The following UBL3 variants were observed in gnomAD, a reference collection of about 807,000 sequenced individuals.
UBL3 encodes ubiquitin like 3, also known as ubiquitin-like protein 3.
UBL3 carries 6 observed loss-of-function variants against 18.4 expected under a neutral mutation model. The observed-to-expected ratio is 0.33, with a 90% CI of 0.18 to 0.64. The LOEUF is 0.64. Among genes scored for constraint, UBL3 ranks in the 30% least tolerant of loss-of-function variants. The probability of loss-of-function intolerance (pLI) is 0.76; values close to 1 mark genes in which losing one functional copy is unlikely to be tolerated. For synonymous variants in UBL3, 49 were observed against 46.6 expected (o/e 1.05, Z -0.21); for missense variants, 109 against 142.9 (o/e 0.76, Z 1.21).
At position 29,831,529 on chromosome 13, in the gene UBL3, G is replaced by A. The variant is rs574687969; in HGVS notation, c.27+17983C>T. The stretch of plus-strand genomic sequence containing the variant: ...CTTGAACCAGGGAGACGGAGGTTGC[G>A]GTGAGCCAAGATCGCGTCATTGTAC... On this transcript the variant is annotated intron_variant, in intron 1 of 4. Transcript: ENST00000380680. 1.9e-4 allele frequency among the ~76,000 whole-genome samples: 28 copies of A among 151,312 alleles called. 1 individual carries two copies. The highest frequency in any genetic ancestry group is 3.8e-4 in the Non-Finnish European group (26 of 67,836).
intron 1 of UBL3, among the ~76,000 whole-genome samples, chr13:29,828,749 C>T (rs1458825103): frequency 1.3e-5 from 2 of 152,206 alleles, no homozygotes; most frequent in Non-Finnish European, 2.9e-5. Flanking sequence ...GAAACAGGCG[C>T]TCTGATTTTT....
chr13:29,838,770 C>T (rs541881), intron 1 of UBL3, among the ~76,000 whole-genome samples: 151,517 of 152,304 alleles, frequency 0.99, 75,371 homozygotes, highest in Middle Eastern at 1. Flanking sequence ...AATTGCAAAA[C>T]TGTAAATTCA....
intron 1 of UBL3, among the ~76,000 whole-genome samples, chr13:29,841,008 C>T (rs1221795154): frequency 2.6e-5 from 4 of 151,932 alleles, no homozygotes; most frequent in African/African-American, 9.7e-5. Context: ...GATACAAAAG[C>T]AAGACTATTT....
rs1339734126 is a variant in UBL3, at chr13:29,767,005, G to T, written c.*250C>A. 10 of 329,826 alleles carry T rather than the reference G, an allele frequency of 3.0e-5. No individual in the cohort carries two copies. In the South Asian group the frequency reaches 3.9e-4, roughly 13 times the overall value. 20.4% of individuals were successfully genotyped at this position (329,826 alleles called of 1,614,324 possible). On this transcript the variant is annotated 3_prime_UTR_variant, in exon 5 of 5. Coordinates refer to ENST00000380680, the MANE Select transcript of UBL3 (RefSeq NM_007106.4). The stretch of plus-strand genomic sequence containing the variant: ...CTTGTTAACTTTTCCCCTGGAGATT[G>T]ACTGCATTCAAAAACCAATATGTGT...
At chr13:29,837,832 A>C (rs1257307707) in intron 1 of UBL3, among the ~76,000 whole-genome samples, 4 of 151,830 alleles carry the variant, frequency 2.6e-5, no homozygotes, top group African/African-American at 9.7e-5. Flanking sequence ...AGGGAGGCTG[A>C]GGCACTAGAA....
At chr13:29,822,565 C>G (rs1160141341) in intron 1 of UBL3, among the ~76,000 whole-genome samples, 2 of 152,158 alleles carry the variant, frequency 1.3e-5, no homozygotes, top group Non-Finnish European at 2.9e-5. Flanking sequence ...AACCATATTA[C>G]TCCATAGAAT....
intron 4 of UBL3, 25 bp from the exon 5 acceptor site, chr13:29,767,332 GT>G: frequency 6.2e-7 from 1 of 1,612,576 alleles, no homozygotes; most frequent in East Asian, 2.2e-5. Context: ...GAAGAGCCTC[GT>G]TTATAAAAAT....
intron 2 of UBL3, among the ~76,000 whole-genome samples, chr13:29,773,607 T>C (rs1442177568): frequency 6.6e-6 from 1 of 152,118 alleles, no homozygotes; most frequent in Admixed American, 6.6e-5. Context: ...TGCAGAAACC[T>C]GAAGCCCCAT....
At chr13:29,808,495 G>C (rs527296095) in intron 1 of UBL3, among the ~76,000 whole-genome samples, 1 of 152,138 alleles carries the variant, frequency 6.6e-6, no homozygotes, top group East Asian at 1.9e-4. Flanking sequence ...TAATAGCTGT[G>C]ACATCCTAGA....
intron 1 of UBL3, among the ~76,000 whole-genome samples, chr13:29,827,806 A>G (rs1878663295): frequency 6.6e-6 from 1 of 152,180 alleles, no homozygotes; most frequent in Non-Finnish European, 1.5e-5. Context: ...ATGTTTTTGC[A>G]GTGGCTGGTA....
At chr13:29,788,613 T>G (rs1439213215) in intron 1 of UBL3, among the ~76,000 whole-genome samples, 2 of 152,192 alleles carry the variant, frequency 1.3e-5, no homozygotes, top group Non-Finnish European at 2.9e-5. Context: ...AAGCTTGTTT[T>G]CTCTTAGGAT....
At chr13:29,844,611 T>C (rs997576196) in intron 1 of UBL3, among the ~76,000 whole-genome samples, 12 of 152,184 alleles carry the variant, frequency 7.9e-5, no homozygotes, top group African/African-American at 2.9e-4. Flanking sequence ...AACCTCCAAG[T>C]ATTCAGAAAA....
At chr13:29,791,675 T>A (rs932554167) in intron 1 of UBL3, among the ~76,000 whole-genome samples, 10 of 152,212 alleles carry the variant, frequency 6.6e-5, no homozygotes, top group African/African-American at 2.4e-4. Context: ...AGAGTTTCCA[T>A]CCAATCACTG....
chr13:29,764,628 G>C lies in UBL3; in HGVS notation c.*2627C>G, dbSNP rs984289931. ...AGAGAAAGCAAATAGTTCAGATCAG[G>C]GAGACATGCTGAGGTTTTAATAAAG... On this transcript the variant is annotated 3_prime_UTR_variant, in exon 5 of 5. Coordinates refer to ENST00000380680, the MANE Select transcript of UBL3 (RefSeq NM_007106.4). 6.6e-6 allele frequency: 1 copy of C among 152,150 alleles called. No homozygotes were observed. The highest frequency in any genetic ancestry group is 1.5e-5 in the Non-Finnish European group (1 of 68,038). The allele number at this position is 152,150 out of a possible 1,614,324, so 9.4% of individuals were successfully genotyped here.
At chr13:29,792,517 T>C (rs966366191) in intron 1 of UBL3, among the ~76,000 whole-genome samples, 2 of 152,254 alleles carry the variant, frequency 1.3e-5, no homozygotes, top group Non-Finnish European at 2.9e-5. Flanking sequence ...ACAGTCTGTC[T>C]GTCTATGAAG....
chr13:29,825,384 G>C (rs1878589225), intron 1 of UBL3, among the ~76,000 whole-genome samples: 1 of 152,128 alleles, frequency 6.6e-6, no homozygotes, highest in Non-Finnish European at 1.5e-5. Context: ...TCGTTGAGCA[G>C]TGGTTTGTAG....
At chr13:29,823,753 G>T (rs928649493) in intron 1 of UBL3, among the ~76,000 whole-genome samples, 3 of 151,940 alleles carry the variant, frequency 2.0e-5, no homozygotes, top group African/African-American at 7.2e-5. Flanking sequence ...GGGTACATGC[G>T]CACAATGTGC....
At chr13:29,767,732 A>T in intron 3 of UBL3, 37 bp from the exon 4 acceptor site, 1 of 1,561,816 alleles carries the variant, frequency 6.4e-7, no homozygotes, top group Non-Finnish European at 8.8e-7. Context: ...TTACACATAT[A>T]TCGACCTATT....
chr13:29,801,598 G>A (rs994529526), intron 1 of UBL3, among the ~76,000 whole-genome samples: 3 of 151,986 alleles, frequency 2.0e-5, no homozygotes, highest in Non-Finnish European at 4.4e-5. Flanking sequence ...CTCTGATTTC[G>A]CTCTCAGAGA....
Sources: allele counts gnomAD v4.1 joint callset (sites outside exome capture counted in the v4.1 genomes callset), GRCh38; gene constraint gnomAD v4.1.1; transcripts MANE v1.5; gene names NCBI Gene and HGNC (gene_info 2026-07-23, HGNC 2026-07-21).